The following FOS variants were observed in gnomAD, a reference collection of about 807,000 sequenced individuals.
FOS encodes protein c-Fos.
Under a neutral mutation model 27.2 loss-of-function variants are expected in FOS, and 9 were observed. The observed-to-expected ratio is 0.33, with a 90% CI of 0.20 to 0.58. The LOEUF is 0.58. FOS is among the 20% of genes least tolerant of loss of function. The pLI, the probability that FOS is intolerant of heterozygous loss-of-function variation, is 0.87. For missense variants in FOS, 405 were observed against 483.5 expected (o/e 0.84, Z 1.52); for synonymous variants, 213 against 205.1 (o/e 1.04, Z -0.33).
In FOS at chr14:75,279,249, G is replaced by C. The variant is rs559819705; in HGVS notation, c.141+126G>C. On this transcript the variant is annotated intron_variant, in intron 1 of 3. Transcript: ENST00000303562. This position sits in a 1 kb window ranked among gnomAD's most constrained non-coding sequence, Gnocchi z 5.4. ...TGCCTGGAGGGAGGCTGCCGTGGCCGGAGCGGTGCCGGCTCGGGGGCTCGG... is the reference window on the plus strand; with the variant it reads ...TGCCTGGAGGGAGGCTGCCGTGGCCCGAGCGGTGCCGGCTCGGGGGCTCGG... The C allele has an allele frequency of 7.5e-7, 1 of 1,328,096 alleles. No homozygotes were observed. Among genetic ancestry groups the C allele is most frequent in the Non-Finnish European group, 1.0e-6 (1 of 964,842 alleles). 82.3% of individuals were successfully genotyped at this position (1,328,096 alleles called of 1,614,324 possible).
At position 75,279,551 on chromosome 14, in the gene FOS, T is replaced by G; in HGVS notation, c.142-326T>G. On this transcript the variant is annotated intron_variant, in intron 1 of 3. Coordinates refer to ENST00000303562, the MANE Select transcript of FOS (RefSeq NM_005252.4). The surrounding 1 kb of genome is among the most constrained non-coding windows in gnomAD (Gnocchi z 5.4). ...CGGGTGTGTAAGGCAGTTTCATTGA[T>G]AAAAAGCGAGTTCATTCTGGAGACT... 2.2e-6 allele frequency: 1 copy of G among 445,950 alleles called. No homozygotes were observed. The highest frequency in any genetic ancestry group is 4.0e-6 in the Non-Finnish European group (1 of 248,846). The allele number at this position is 445,950 out of a possible 1,614,324, so 27.6% of individuals were successfully genotyped here.
In FOS at chr14:75,281,203, A is replaced by G. The variant is rs778618273; in HGVS notation, c.922A>G (p.Ser308Gly). Residue 308 changes from serine to glycine, a missense_variant, in exon 4 of 4, where the codon AGT becomes GGT. Coordinates refer to ENST00000303562, the MANE Select transcript of FOS (RefSeq NM_005252.4). The surrounding 1 kb of genome is among the most constrained non-coding windows in gnomAD (Gnocchi z 4.7). The part of the protein sequence containing the change: ...FYAADWEPLH[S>G]GSLGMGPMAT... ...TGCAGCAGACTGGGAGCCTCTGCACAGTGGCTCCCTGGGGATGGGGCCCAT... is the reference window on the plus strand; with the variant it reads ...TGCAGCAGACTGGGAGCCTCTGCACGGTGGCTCCCTGGGGATGGGGCCCAT... 3 of 1,612,552 alleles carry G rather than the reference A, an allele frequency of 1.9e-6. No individual in the cohort carries two copies. Among genetic ancestry groups the G allele is most frequent in the East Asian group, 4.5e-5 (2 of 44,876 alleles).
Position 75,278,831 on chromosome 14 carries a change from C to G in FOS, c.-152C>G. The G allele has an allele frequency of 1.3e-6, 1 of 798,922 alleles. No individual in the cohort carries two copies. 49.5% of individuals were successfully genotyped at this position (798,922 alleles called of 1,614,324 possible). On this transcript the variant is annotated 5_prime_UTR_variant, in exon 1 of 4. Coordinates refer to ENST00000303562, the MANE Select transcript of FOS (RefSeq NM_005252.4). This position sits in a 1 kb window ranked among gnomAD's most constrained non-coding sequence, Gnocchi z 4.1. Reference sequence around the variant, plus strand: ...TGGCTGCGGCGCCTCGTACTCCAACCGCATCTGCAGCGAGCATCTGAGAAG... The same window carrying G: ...TGGCTGCGGCGCCTCGTACTCCAACGGCATCTGCAGCGAGCATCTGAGAAG...
At chr14:75,280,331 C>T (rs1594902089) in intron 2 of FOS, 1 of 733,628 alleles carries the variant, frequency 1.4e-6, no homozygotes, top group Non-Finnish European at 2.3e-6. Flanking sequence ...AGTTTCTTCC[C>T]TAAGTTTCTT....
rs143113093 is a variant in FOS, at chr14:75,279,427, A to G, written c.141+304A>G. 1.3e-4 allele frequency: 64 copies of G among 474,228 alleles called. No individual in the cohort carries two copies. The East Asian group carries it at 2.2e-3, about 16-fold the overall frequency. The allele number at this position is 474,228 out of a possible 1,614,324, so 29.4% of individuals were successfully genotyped here. On this transcript the variant is annotated intron_variant, in intron 1 of 3. Coordinates refer to ENST00000303562, the MANE Select transcript of FOS (RefSeq NM_005252.4). The surrounding 1 kb of genome is among the most constrained non-coding windows in gnomAD (Gnocchi z 5.4). ...TGTCCCAAGCACAAACTCGCTAACT[A>G]GAGCCTGGCTTCTCCGGGGAGGTGG...
chr14:75,280,748 G>A (rs771590085), intron 3 of FOS, 35 bp from the exon 4 acceptor site: 26 of 1,609,256 alleles, frequency 1.6e-5, no homozygotes, highest in Non-Finnish European at 2.2e-5. Flanking sequence ...GAGTAAGACT[G>A]TGTCTTATGC....
chr14:75,280,412 C>G (rs1028581048), intron 2 of FOS, 148 bp from the exon 3 acceptor site: 1 of 708,858 alleles, frequency 1.4e-6, no homozygotes, highest in African/African-American at 1.8e-5. Flanking sequence ...CAAGTCACAC[C>G]TAGTCTGCAA....
Position 75,281,848 on chromosome 14 carries a change from T to A in FOS, c.*424T>A, listed in dbSNP as rs45480193. 23 of 203,614 alleles carry A rather than the reference T, an allele frequency of 1.1e-4. No individual in the cohort carries two copies. The highest frequency in any genetic ancestry group is 1.9e-4 in the Non-Finnish European group (18 of 96,790). 12.6% of individuals were successfully genotyped at this position (203,614 alleles called of 1,614,324 possible). ...GCTGATTTTAACAATAACTACTGTG[T>A]TCCTGGCAATAGTGTGTTCTGATTA... is the stretch of plus-strand genomic sequence containing the variant. On this transcript the variant is annotated 3_prime_UTR_variant, in exon 4 of 4. Transcript: ENST00000303562. This position sits in a 1 kb window ranked among gnomAD's most constrained non-coding sequence, Gnocchi z 4.7.
chr14:75,279,558 C>A lies in FOS; in HGVS notation c.142-319C>A, dbSNP rs565804800. On this transcript the variant is annotated intron_variant, in intron 1 of 3. Transcript: ENST00000303562. This position sits in a 1 kb window ranked among gnomAD's most constrained non-coding sequence, Gnocchi z 5.4. ...GTAAGGCAGTTTCATTGATAAAAAGCGAGTTCATTCTGGAGACTCCGGAGC... is the reference window on the plus strand; with the variant it reads ...GTAAGGCAGTTTCATTGATAAAAAGAGAGTTCATTCTGGAGACTCCGGAGC... 1.1e-5 allele frequency: 5 copies of A among 454,628 alleles called. No homozygotes were observed. The South Asian group carries it at 1.1e-4, about 10-fold the overall frequency. The allele number at this position is 454,628 out of a possible 1,614,324, so 28.2% of individuals were successfully genotyped here.
At position 75,280,902 on chromosome 14, in the gene FOS, T is replaced by C. The variant is rs770839028; in HGVS notation, c.621T>C (p.Pro207=). 5 of 1,614,192 alleles carry C rather than the reference T, an allele frequency of 3.1e-6. No individual in the cohort carries two copies. In the African/African-American group the frequency reaches 5.3e-5, roughly 17 times the overall value. Residue 207 remains proline (P), a synonymous_variant, in exon 4 of 4, where the codon CCT becomes CCC. Coordinates refer to ENST00000303562, the MANE Select transcript of FOS (RefSeq NM_005252.4). ...CTCACCGACCTGCCTGCAAGATCCC[T>C]GATGACCTGGGCTTCCCAGAAGAGA... ...LAAHRPACKI[P]DDLGFPEEMS... is the part of the protein sequence containing the mutation.
rs1897205081 is a variant in FOS, at chr14:75,279,794, C to A, written c.142-83C>A. 1 of 1,453,136 alleles carries A rather than the reference C, an allele frequency of 6.9e-7. No homozygotes were observed. Among genetic ancestry groups the A allele is most frequent in the East Asian group, 2.3e-5 (1 of 43,670 alleles). The allele number at this position is 1,453,136 out of a possible 1,614,324, so 90.0% of individuals were successfully genotyped here. A position where few individuals can be genotyped will look rare whatever the true frequency, so the allele number is the denominator to read the frequency against. On this transcript the variant is annotated intron_variant, in intron 1 of 3. Transcript: ENST00000303562. The surrounding 1 kb of genome is among the most constrained non-coding windows in gnomAD (Gnocchi z 5.4). Reference sequence around the variant, plus strand: ...GTGGCAGGATCGTTTCTCTTCACTGCTGCATGCGGCACTGGGAACTCGCCC... The same window carrying A: ...GTGGCAGGATCGTTTCTCTTCACTGATGCATGCGGCACTGGGAACTCGCCC...
chr14:75,280,149 C>A, intron 2 of FOS, 21 bp downstream of exon 2: 13 of 1,613,432 alleles, frequency 8.1e-6, no homozygotes, highest in Non-Finnish European at 1.1e-5. Flanking sequence ...CTAGCGTACT[C>A]TTCCTGGGAA....
At position 75,279,153 on chromosome 14, in the gene FOS, C is replaced by T; in HGVS notation, c.141+30C>T. The T allele has an allele frequency of 2.5e-6, 4 of 1,610,028 alleles. No homozygotes were observed. Among genetic ancestry groups the T allele is most frequent in the African/African-American group, 1.3e-5 (1 of 75,016 alleles). On this transcript the variant is annotated intron_variant, in intron 1 of 3. Coordinates refer to ENST00000303562, the MANE Select transcript of FOS (RefSeq NM_005252.4). This position sits in a 1 kb window ranked among gnomAD's most constrained non-coding sequence, Gnocchi z 5.4. ...GGCTGGCTTCCCGTCGCCGCGGGGC[C>T]GGGGGCTTGGGGTCGCGGAGGAGGA...
chr14:75,282,011 T>C lies in FOS; in HGVS notation c.*587T>C, dbSNP rs1897234598. On this transcript the variant is annotated 3_prime_UTR_variant, in exon 4 of 4. Transcript: ENST00000303562. ...TGTTACTGATCATGCATTGTTGAGGTGGTCTGAATGTTCTGACATTAACAG... is the reference window on the plus strand; with the variant it reads ...TGTTACTGATCATGCATTGTTGAGGCGGTCTGAATGTTCTGACATTAACAG... 1 of 152,884 alleles carries C rather than the reference T, an allele frequency of 6.5e-6. No individual in the cohort carries two copies. Among genetic ancestry groups the C allele is most frequent in the Non-Finnish European group, 1.5e-5 (1 of 68,186 alleles). The allele number at this position is 152,884 out of a possible 1,614,324, so 9.5% of individuals were successfully genotyped here.
Position 75,281,169 on chromosome 14 carries a change from G to T in FOS, c.888G>T (p.Gly296=). The T allele has an allele frequency of 6.2e-7, 1 of 1,611,674 alleles. No individual in the cohort carries two copies. The part of the protein sequence containing the change: ...ARSVPDMDLS[G]SFYAADWEPL... ...CCGTGCCAGACATGGACCTATCTGGGTCCTTCTATGCAGCAGACTGGGAGC... is the reference window on the plus strand; with the variant it reads ...CCGTGCCAGACATGGACCTATCTGGTTCCTTCTATGCAGCAGACTGGGAGC... The change falls in exon 4 of 4, where the codon GGG becomes GGT. Residue 296 remains glycine (G), a synonymous_variant. Transcript: ENST00000303562. The surrounding 1 kb of genome is among the most constrained non-coding windows in gnomAD (Gnocchi z 4.7).
At position 75,280,860 on chromosome 14, in the gene FOS, A is replaced by G. The variant is rs1897220934; in HGVS notation, c.579A>G (p.Leu193=). 3 of 1,614,144 alleles carry G rather than the reference A, an allele frequency of 1.9e-6. No homozygotes were observed. The highest frequency in any genetic ancestry group is 1.1e-5 in the South Asian group (1 of 91,078). The change falls in exon 4 of 4, where the codon CTA becomes CTG. Residue 193 remains leucine, a synonymous_variant. Transcript: ENST00000303562. ...IANLLKEKEK[L]EFILAAHRPA... ...ACCTGCTGAAGGAGAAGGAAAAACTAGAGTTCATCCTGGCAGCTCACCGAC... is the reference window on the plus strand; with the variant it reads ...ACCTGCTGAAGGAGAAGGAAAAACTGGAGTTCATCCTGGCAGCTCACCGAC...
Position 75,282,138 on chromosome 14 carries a change from G to C in FOS, c.*714G>C, listed in dbSNP as rs2139938907. The C allele has an allele frequency of 6.6e-6, 1 of 152,332 alleles. No homozygotes were observed. Among genetic ancestry groups the C allele is most frequent in the East Asian group, 1.9e-4 (1 of 5,186 alleles). 9.4% of individuals were successfully genotyped at this position (152,332 alleles called of 1,614,324 possible). A position where few individuals can be genotyped will look rare whatever the true frequency, so the allele number is the denominator to read the frequency against. On this transcript the variant is annotated 3_prime_UTR_variant, in exon 4 of 4. Coordinates refer to ENST00000303562, the MANE Select transcript of FOS (RefSeq NM_005252.4). The stretch of plus-strand genomic sequence containing the variant: ...ATTTTTTTCTACCTTGAGGTCTTTT[G>C]ACATGTGGAAAGTGAATTTGAATGA...
Position 75,278,843 on chromosome 14 carries a change from G to T in FOS, c.-140G>T. 2 of 924,678 alleles carry T rather than the reference G, an allele frequency of 2.2e-6. No homozygotes were observed. The highest frequency in any genetic ancestry group is 1.6e-5 in the South Asian group (1 of 62,374). 57.3% of individuals were successfully genotyped at this position (924,678 alleles called of 1,614,324 possible). A position where few individuals can be genotyped will look rare whatever the true frequency, so the allele number is the denominator to read the frequency against. ...CTCGTACTCCAACCGCATCTGCAGC[G>T]AGCATCTGAGAAGCCAAGACTGAGC... On this transcript the variant is annotated 5_prime_UTR_variant, in exon 1 of 4. Transcript: ENST00000303562. The surrounding 1 kb of genome is among the most constrained non-coding windows in gnomAD (Gnocchi z 4.1).
intron 2 of FOS, 116 bp from the exon 3 acceptor site, chr14:75,280,444 A>G: frequency 1.2e-6 from 1 of 819,188 alleles, no homozygotes; most frequent in Non-Finnish European, 2.0e-6. Context: ...AAATGGTTTC[A>G]CAGTGGGGTG....
Sources: allele counts gnomAD v4.1 joint callset, GRCh38; gene constraint gnomAD v4.1.1; non-coding constraint Gnocchi (gnomAD v3.1); transcripts MANE v1.5; gene names NCBI Gene and HGNC (gene_info 2026-07-23, HGNC 2026-07-21).